The following NFAT5 variants were observed in gnomAD, a reference collection of about 807,000 sequenced individuals.
The protein encoded by NFAT5 is nuclear factor of activated T-cells 5.
NFAT5 carries 31 observed loss-of-function variants against 166.5 expected under a neutral mutation model. The ratio of observed to expected loss-of-function variants is 0.19; its 90% CI spans 0.14 to 0.25. NFAT5 has a LOEUF of 0.25. NFAT5 is among the 10% of genes least tolerant of loss of function. The pLI is 1.00. For synonymous variants in NFAT5, 612 were observed against 639.7 expected (o/e 0.96, Z 0.65); for missense variants, 1,449 against 1,821.8 (o/e 0.80, Z 3.72).
chr16:69,667,888 G>A (rs1245960738), intron 7 of NFAT5, among the ~76,000 whole-genome samples: 1 of 152,144 alleles, frequency 6.6e-6, no homozygotes, highest in Non-Finnish European at 1.5e-5. Flanking sequence ...GTCAGTGTAT[G>A]ACCAATAACC....
chr16:69,584,826 ACT>A (rs1437145669), intron 2 of NFAT5, among the ~76,000 whole-genome samples: 1 of 151,878 alleles, frequency 6.6e-6, no homozygotes, highest in African/African-American at 2.4e-5. Context: ...CACAGCTGTG[ACT>A]CTGCTGAAAG....
intron 7 of NFAT5, among the ~76,000 whole-genome samples, chr16:69,664,756 A>G (rs1028969384): frequency 1.3e-5 from 2 of 151,978 alleles, no homozygotes; most frequent in Non-Finnish European, 2.9e-5. Flanking sequence ...GGTCGGGCGC[A>G]GTGGCTCACG....
chr16:69,657,450 G>A (rs2035928749), intron 6 of NFAT5, among the ~76,000 whole-genome samples: 1 of 143,062 alleles, frequency 7.0e-6, no homozygotes, highest in African/African-American at 2.5e-5. Context: ...TTTTTAACTT[G>A]TAACTTTTGA....
chr16:69,641,650 A>G (rs1431511595), intron 3 of NFAT5, among the ~76,000 whole-genome samples: 1 of 152,172 alleles, frequency 6.6e-6, no homozygotes, highest in Non-Finnish European at 1.5e-5. Context: ...TATAAAGTAT[A>G]TCTTTTTTAT....
At chr16:69,616,986 C>T (rs1357477706) in intron 2 of NFAT5, among the ~76,000 whole-genome samples, 4 of 150,910 alleles carry the variant, frequency 2.7e-5, no homozygotes, top group African/African-American at 9.8e-5. Flanking sequence ...GCTCTGTCAC[C>T]CAGGCTGGAG....
At chr16:69,593,863 AT>A (rs1050990019) in intron 2 of NFAT5, among the ~76,000 whole-genome samples, 1 of 152,118 alleles carries the variant, frequency 6.6e-6, no homozygotes, top group Non-Finnish European at 1.5e-5. Flanking sequence ...TATTAGAGCC[AT>A]TTTTTTCCAG....
intron 2 of NFAT5, among the ~76,000 whole-genome samples, chr16:69,590,098 C>T (rs1157593491): frequency 6.6e-6 from 1 of 152,138 alleles, no homozygotes; most frequent in Non-Finnish European, 1.5e-5. Flanking sequence ...TGCATGACCC[C>T]AGGAGTTCAA....
intron 9 of NFAT5, among the ~76,000 whole-genome samples, chr16:69,674,046 C>T (rs9933526): frequency 0.24 from 36,297 of 151,762 alleles, 4,681 homozygotes; most frequent in East Asian, 0.45. Flanking sequence ...AGTTCGCGAC[C>T]AGCCTAGACA....
rs187988885 is a variant in NFAT5 at position 69,637,141 on chromosome 16, T to G, written c.254-9887T>G. On this transcript the variant is annotated intron_variant, in intron 3 of 14. Coordinates refer to ENST00000349945, the MANE Select transcript of NFAT5 (RefSeq NM_138713.4). Reference sequence around the variant, plus strand: ...CTAGGGCAGGGGTAAAATGCCGGTCTCTTTGCTAAAACATAACAAGAGTCA... The same window carrying G: ...CTAGGGCAGGGGTAAAATGCCGGTCGCTTTGCTAAAACATAACAAGAGTCA... 2.2e-3 allele frequency among the ~76,000 whole-genome samples: 339 copies of G among 152,316 alleles called. 2 individuals carry two copies. Among genetic ancestry groups the G allele is most frequent in the South Asian group, 5.8e-3 (28 of 4,830 alleles).
In NFAT5 at chr16:69,655,682, G is replaced by A. The variant is rs1286361609; in HGVS notation, c.1079G>A (p.Gly360Glu). The A allele has an allele frequency of 6.2e-7, 1 of 1,613,546 alleles. No homozygotes were observed. Among genetic ancestry groups the A allele is most frequent in the African/African-American group, 1.3e-5 (1 of 74,922 alleles). ...GACTCTGGACGAGTGAAACCACATG[G>A]ATTTTATCAGGCCTGCAGAGTAACT... Reference protein sequence around the residue: ...GNDSGRVKPHGFYQACRVTGR... With the variant: ...GNDSGRVKPHEFYQACRVTGR... Residue 360 changes from glycine to glutamate, a missense_variant, in exon 6 of 15, where the codon GGA becomes GAA. This residue lies in a region of NFAT5 where 10 missense variants were observed against 41.4 expected (regional missense o/e 0.24). Transcript: ENST00000349945.
chr16:69,566,334 G>A lies in NFAT5; in HGVS notation c.33G>A (p.Ala11=). The change falls in exon 1 of 15, where the codon GCG becomes GCA. Residue 11 remains alanine (A), a synonymous_variant. Coordinates refer to ENST00000349945, the MANE Select transcript of NFAT5 (RefSeq NM_138713.4). The surrounding 1 kb of genome is among the most constrained non-coding windows in gnomAD (Gnocchi z 5.7). ...CGGACTTCATCTCATTGCTCAGCGCGGACCTAGACCTGGAATCGCCCAAGT... is the reference window on the plus strand; with the variant it reads ...CGGACTTCATCTCATTGCTCAGCGCAGACCTAGACCTGGAATCGCCCAAGT... MPSDFISLLS[A]DLDLESPKSL... is the part of the protein sequence containing the mutation. The A allele has an allele frequency of 1.2e-6, 2 of 1,608,890 alleles. No homozygotes were observed. The highest frequency in any genetic ancestry group is 1.3e-5 in the African/African-American group (1 of 74,908).
chr16:69,573,131 C>T (rs892249183), intron 2 of NFAT5, among the ~76,000 whole-genome samples: 1 of 152,156 alleles, frequency 6.6e-6, no homozygotes, highest in Non-Finnish European at 1.5e-5. Flanking sequence ...CATGTGCCAC[C>T]GCATCCGGCC....
chr16:69,672,394 A>G (rs1421426971), intron 9 of NFAT5, among the ~76,000 whole-genome samples: 1 of 152,210 alleles, frequency 6.6e-6, no homozygotes. Flanking sequence ...TCTGTAAGAT[A>G]AGCGCTTTCA....
intron 2 of NFAT5, among the ~76,000 whole-genome samples, chr16:69,606,198 T>C (rs2033399296): frequency 6.6e-6 from 1 of 152,226 alleles, no homozygotes; most frequent in African/African-American, 2.4e-5. Context: ...GCAAGGTTTC[T>C]TCAGGAAAGA....
intron 3 of NFAT5, among the ~76,000 whole-genome samples, chr16:69,643,880 A>T (rs1163846395): frequency 6.6e-6 from 1 of 152,182 alleles, no homozygotes; most frequent in African/African-American, 2.4e-5. Flanking sequence ...TTACTACCTC[A>T]CATGGCATTA....
chr16:69,668,896 T>C (rs1282768664), intron 7 of NFAT5, among the ~76,000 whole-genome samples: 1 of 152,132 alleles, frequency 6.6e-6, no homozygotes, highest in Non-Finnish European at 1.5e-5. Flanking sequence ...TGAATTTATA[T>C]GCTACCAATA....
At chr16:69,617,367 G>A (rs1194727441) in intron 2 of NFAT5, among the ~76,000 whole-genome samples, 1 of 152,062 alleles carries the variant, frequency 6.6e-6, no homozygotes, top group Non-Finnish European at 1.5e-5. Context: ...GTTCCTTCTA[G>A]GATAGACTCA....
chr16:69,692,129 A>G lies in NFAT5; in HGVS notation c.2304A>G (p.Ala768=), dbSNP rs760192026. 7.4e-6 allele frequency: 12 copies of G among 1,614,042 alleles called. No individual in the cohort carries two copies. The African/African-American group carries it at 1.5e-4, about 20-fold the overall frequency. ...QQQQSPLQEQ[A]QTLQQQISSN... ...AGCAGTCACCACTACAAGAACAAGC[A>G]CAGACTTTACAGCAGCAGATTTCAT... is the stretch of plus-strand genomic sequence containing the variant. Residue 768 remains alanine, a synonymous_variant, in exon 13 of 15, where the codon GCA becomes GCG. Transcript: ENST00000349945.
At chr16:69,585,994 AG>A (rs900947890) in intron 2 of NFAT5, among the ~76,000 whole-genome samples, 1 of 152,236 alleles carries the variant, frequency 6.6e-6, no homozygotes, top group African/African-American at 2.4e-5. Context: ...ACTTAAAAAT[AG>A]TTAAAATGGT....
Sources: gnomAD v4.1 joint callset for allele counts (sites outside exome capture counted in the v4.1 genomes callset) on GRCh38, gnomAD v4.1.1 for gene constraint, gnomAD v4.1.1 regional missense constraint, Gnocchi (gnomAD v3.1) non-coding constraint, MANE v1.5 for transcripts, NCBI Gene and HGNC (gene_info 2026-07-23, HGNC 2026-07-21) for gene names.